The following ITGA1 variants were observed in gnomAD, a reference collection of about 807,000 sequenced individuals.
ITGA1 encodes integrin subunit alpha 1, also known as integrin alpha-1.
Under a neutral mutation model 145.9 loss-of-function variants are expected in ITGA1, and 85 were observed. That is an observed-to-expected ratio of 0.58 (90% CI 0.49 to 0.70). The LOEUF (loss-of-function observed/expected upper bound fraction) is 0.70. Ranked by LOEUF, ITGA1 falls within the 30% of genes least tolerant of loss-of-function variation. ITGA1 has a pLI of 0.00. For missense variants in ITGA1, 1,351 were observed against 1,418.7 expected (o/e 0.95, Z 0.77); for synonymous variants, 520 against 495.3 (o/e 1.05, Z -0.66).
chr5:52,893,588 A>G, intron 8 of ITGA1, 87 bp from the exon 9 acceptor site: 2 of 1,217,566 alleles, frequency 1.6e-6, no homozygotes, highest in Non-Finnish European at 1.2e-6. Flanking sequence ...GGTACTCTAC[A>G]CTGTTGTTTA....
At chr5:52,922,720 G>T in intron 17 of ITGA1, 57 bp from the exon 18 acceptor site, 1 of 1,123,984 alleles carries the variant, frequency 8.9e-7, no homozygotes, top group East Asian at 2.3e-5. Flanking sequence ...GACATAACAA[G>T]ATCAGAACAC....
chr5:52,908,345 A>G (rs1561244639), intron 12 of ITGA1, among the ~76,000 whole-genome samples: 1 of 152,216 alleles, frequency 6.6e-6, no homozygotes, highest in South Asian at 2.1e-4. Context: ...AAATGAGAAA[A>G]CATATTGCTA....
rs976231681 is a variant in ITGA1 at position 52,952,380 on chromosome 5, G to T, written c.3496-27G>T. 20 of 1,313,652 alleles carry T rather than the reference G, an allele frequency of 1.5e-5. No homozygotes were observed. In the African/African-American group the frequency reaches 2.8e-4, roughly 18 times the overall value. The allele number at this position is 1,313,652 out of a possible 1,614,324, so 81.4% of individuals were successfully genotyped here. A position where few individuals can be genotyped will look rare whatever the true frequency, so the allele number is the denominator to read the frequency against. ...GCTACCTAAATTAAAATAGTTAATTGTGTTATGTTTTGTGTTTTCTCAACA... is the reference window on the plus strand; with the variant it reads ...GCTACCTAAATTAAAATAGTTAATTTTGTTATGTTTTGTGTTTTCTCAACA... On this transcript the variant is annotated intron_variant, in intron 28 of 28. Coordinates refer to ENST00000282588, the MANE Select transcript of ITGA1 (RefSeq NM_181501.2).
intron 16 of ITGA1, 57 bp downstream of exon 16, chr5:52,918,955 G>T: frequency 7.3e-7 from 1 of 1,368,844 alleles, no homozygotes; most frequent in East Asian, 2.4e-5. Context: ...ATTTGCTCTA[G>T]CATGATGAAG....
At chr5:52,910,054 CT>C in intron 13 of ITGA1, 107 bp from the exon 14 acceptor site, 1 of 1,070,648 alleles carries the variant, frequency 9.3e-7, no homozygotes, top group Non-Finnish European at 1.4e-6. Context: ...AACTTTACCA[CT>C]AATGTACAAA....
chr5:52,899,898 A>G (rs1243676848), intron 11 of ITGA1, among the ~76,000 whole-genome samples: 2 of 152,196 alleles, frequency 1.3e-5, no homozygotes, highest in Admixed American at 6.5e-5. Flanking sequence ...TGAAACCACA[A>G]TTGAGGCTTC....
In ITGA1 at chr5:52,864,748, T is replaced by C. The variant is rs1320851316; in HGVS notation, c.296-15T>C. 4.6e-6 allele frequency: 7 copies of C among 1,526,228 alleles called. No individual in the cohort carries two copies. Among genetic ancestry groups the C allele is most frequent in the Non-Finnish European group, 6.3e-6 (7 of 1,110,086 alleles). 94.5% of individuals were successfully genotyped at this position (1,526,228 alleles called of 1,614,324 possible). A position where few individuals can be genotyped will look rare whatever the true frequency, so the allele number is the denominator to read the frequency against. ...GAAACTTTTCCTCCCTCATAAAATT[T>C]TGTTCTATTTTTAGTTAATACATCA... On this transcript the variant is annotated splice_polypyrimidine_tract_variant and intron_variant, in intron 3 of 28. Coordinates refer to ENST00000282588, the MANE Select transcript of ITGA1 (RefSeq NM_181501.2).
chr5:52,898,512 C>A, intron 11 of ITGA1, 129 bp downstream of exon 11: 1 of 840,390 alleles, frequency 1.2e-6, no homozygotes, highest in Non-Finnish European at 1.8e-6. Context: ...GGGTATTTTC[C>A]AGAACCCATG....
chr5:52,817,809 C>A (rs1476910423), intron 1 of ITGA1, among the ~76,000 whole-genome samples: 3 of 152,066 alleles, frequency 2.0e-5, no homozygotes, highest in Non-Finnish European at 2.9e-5. Flanking sequence ...TTATAATATA[C>A]ATATTTTAAA....
Position 52,843,934 on chromosome 5 carries a change from T to A in ITGA1, c.62-5431T>A, listed in dbSNP as rs570230254. On this transcript the variant is annotated intron_variant, in intron 1 of 28. Transcript: ENST00000282588. Reference sequence around the variant, plus strand: ...CCTCAAATTATTGAATAGCTCAATATCATTACTGTTATTATTATTATTATA... The same window carrying A: ...CCTCAAATTATTGAATAGCTCAATAACATTACTGTTATTATTATTATTATA... Among the ~76,000 whole-genome samples the A allele has an allele frequency of 2.0e-5, 3 of 152,244 alleles. 1 individual carries two copies. In the South Asian group the frequency reaches 6.2e-4, roughly 32 times the overall value.
At chr5:52,911,517 G>GTA (rs1200973650) in intron 14 of ITGA1, among the ~76,000 whole-genome samples, 22 of 110,198 alleles carry the variant, frequency 2.0e-4, no homozygotes, top group South Asian at 1.4e-3. Flanking sequence ...ACTATATATA[G>GTA]TATATATATC....
chr5:52,859,498 C>T (rs1667478028), intron 2 of ITGA1, among the ~76,000 whole-genome samples: 1 of 152,128 alleles, frequency 6.6e-6, no homozygotes, highest in Admixed American at 6.5e-5. Context: ...TATATTAAAA[C>T]CATGTTTTAG....
At chr5:52,883,498 C>T (rs1367717553) in intron 7 of ITGA1, among the ~76,000 whole-genome samples, 2 of 152,212 alleles carry the variant, frequency 1.3e-5, no homozygotes, top group African/African-American at 4.8e-5. Flanking sequence ...TTTTCTCCTA[C>T]ATTAATTACC....
chr5:52,890,343 A>T (rs531942679), intron 8 of ITGA1, among the ~76,000 whole-genome samples: 1 of 152,356 alleles, frequency 6.6e-6, no homozygotes, highest in Non-Finnish European at 1.5e-5. Flanking sequence ...GAACTTTTAA[A>T]ACTTAATACT....
intron 1 of ITGA1, among the ~76,000 whole-genome samples, chr5:52,835,118 C>T (rs1037686505): frequency 6.6e-6 from 1 of 152,124 alleles, no homozygotes; most frequent in African/African-American, 2.4e-5. Context: ...ATGCTATCTA[C>T]CTGTTGTCTT....
intron 1 of ITGA1, among the ~76,000 whole-genome samples, chr5:52,845,365 C>A (rs1749316291): frequency 6.6e-6 from 1 of 152,004 alleles, no homozygotes. Context: ...AAAAGAAATA[C>A]CACGTTACAG....
chr5:52,894,944 T>G (rs1406272779), intron 9 of ITGA1, among the ~76,000 whole-genome samples: 2 of 152,164 alleles, frequency 1.3e-5, no homozygotes, highest in African/African-American at 4.8e-5. Context: ...CAAACTTTTT[T>G]TGAGTGTGAC....
At chr5:52,827,954 A>G (rs538756021) in intron 1 of ITGA1, among the ~76,000 whole-genome samples, 65 of 152,306 alleles carry the variant, frequency 4.3e-4, no homozygotes, top group African/African-American at 1.5e-3. Flanking sequence ...CCAAACCCGC[A>G]GTATCTCTGT....
In ITGA1 at chr5:52,893,783, G is replaced by T; in HGVS notation, c.1033G>T (p.Glu345Ter). ...TEKHFFNVSD[E>*]LALVTIVKTL... ...AAAGCATTTCTTCAATGTCTCTGATGAATTGGCTCTAGTCACCATTGTTAA... is the reference window on the plus strand; with the variant it reads ...AAAGCATTTCTTCAATGTCTCTGATTAATTGGCTCTAGTCACCATTGTTAA... Residue 345 changes from glutamate (E) to a stop codon, truncating the protein, a stop_gained, in exon 9 of 29, where the codon GAA becomes TAA. Coordinates refer to ENST00000282588, the MANE Select transcript of ITGA1 (RefSeq NM_181501.2). LOFTEE classifies it high-confidence loss of function. 6.2e-7 allele frequency: 1 copy of T among 1,612,882 alleles called. No individual in the cohort carries two copies. Among genetic ancestry groups the T allele is most frequent in the Non-Finnish European group, 8.5e-7 (1 of 1,179,126 alleles).
Sources: gnomAD v4.1 joint callset for allele counts (sites outside exome capture counted in the v4.1 genomes callset) on GRCh38, gnomAD v4.1.1 for gene constraint, MANE v1.5 for transcripts, NCBI Gene and HGNC (gene_info 2026-07-23, HGNC 2026-07-21) for gene names.